VPS8: variants seen among roughly 807,000 people sequenced by gnomAD.
VPS8 encodes the protein VPS8 subunit of CORVET complex.
A neutral mutation model predicts 216.4 loss-of-function variants in VPS8; 129 were observed. That is an observed-to-expected ratio of 0.60 (90% CI 0.52 to 0.69). The LOEUF is 0.69. Among genes scored for constraint, VPS8 ranks in the 30% least tolerant of loss-of-function variants. The pLI is 0.00. For synonymous variants in VPS8, 571 were observed against 565.4 expected, an observed-to-expected ratio of 1.01 and a Z score of -0.14; for missense variants, 1,531 against 1,683.5, an observed-to-expected ratio of 0.91 and a Z score of 1.59.
At chr3:184,910,000 A>G (rs1178868011) in intron 25 of VPS8, among the ~76,000 whole-genome samples, 1 of 151,738 alleles carries the variant, frequency 6.6e-6, no homozygotes, top group African/African-American at 2.4e-5. Context: ...GTCTCTCCTC[A>G]GGTCATTTCT....
chr3:184,858,635 G>A (rs1725726916), intron 14 of VPS8, among the ~76,000 whole-genome samples: 1 of 152,218 alleles, frequency 6.6e-6, no homozygotes, highest in South Asian at 2.1e-4. Flanking sequence ...CATGGTTGTG[G>A]TGGAGGACTC....
At chr3:184,976,563 T>G (rs970769698) in intron 40 of VPS8, among the ~76,000 whole-genome samples, 1 of 152,094 alleles carries the variant, frequency 6.6e-6, no homozygotes, top group Non-Finnish European at 1.5e-5. Context: ...GAATAATCTG[T>G]CTCCCAGGTG....
intron 14 of VPS8, among the ~76,000 whole-genome samples, chr3:184,858,809 C>T (rs1339570253): frequency 6.6e-6 from 1 of 152,188 alleles, no homozygotes; most frequent in Non-Finnish European, 1.5e-5. Context: ...TTGCTCTTGC[C>T]TGGTCTGCAT....
At chr3:184,993,363 G>GTT (rs1273145198) in intron 42 of VPS8, among the ~76,000 whole-genome samples, 1 of 150,728 alleles carries the variant, frequency 6.6e-6, no homozygotes, top group African/African-American at 2.4e-5. Flanking sequence ...TGTTTTTTGG[G>GTT]TTTTTTTTTT....
intron 45 of VPS8, among the ~76,000 whole-genome samples, chr3:185,014,236 C>T (rs998741297): frequency 3.3e-5 from 5 of 152,150 alleles, no homozygotes; most frequent in Non-Finnish European, 7.3e-5. Flanking sequence ...TCTTGCTTTC[C>T]TCAGGTTTTC....
intron 5 of VPS8, among the ~76,000 whole-genome samples, chr3:184,838,302 G>C (rs1253242789): frequency 6.6e-6 from 1 of 152,128 alleles, no homozygotes; most frequent in Non-Finnish European, 1.5e-5. Context: ...TTGGTAGATA[G>C]GAAAGTCCTA....
At chr3:185,004,650 C>T (rs1337381116) in intron 45 of VPS8, among the ~76,000 whole-genome samples, 1 of 152,058 alleles carries the variant, frequency 6.6e-6, no homozygotes, top group Non-Finnish European at 1.5e-5. Flanking sequence ...TACATTTGGC[C>T]GTTTGTATGT....
At chr3:184,876,183 T>G (rs1263155174) in intron 21 of VPS8, among the ~76,000 whole-genome samples, 1 of 152,146 alleles carries the variant, frequency 6.6e-6, no homozygotes, top group Non-Finnish European at 1.5e-5. Context: ...GTTTTTTCCC[T>G]ACCTCTCTGA....
intron 24 of VPS8, among the ~76,000 whole-genome samples, chr3:184,900,644 C>G (rs528072097): frequency 1.3e-5 from 2 of 152,168 alleles, no homozygotes; most frequent in East Asian, 3.9e-4. Flanking sequence ...GTTTAAGAAC[C>G]AAAGGATACT....
intron 46 of VPS8, among the ~76,000 whole-genome samples, 176 bp from the exon 47 acceptor site, chr3:185,048,303 G>C (rs889647220): frequency 6.6e-6 from 1 of 152,202 alleles, no homozygotes; most frequent in African/African-American, 2.4e-5. Flanking sequence ...AGGGATCTTA[G>C]GGGACGTGCC....
intron 1 of VPS8, chr3:184,817,433 C>T (rs931249103): frequency 6.6e-6 from 1 of 152,126 alleles, no homozygotes; most frequent in African/African-American, 2.4e-5. Context: ...ATGAGGAAAT[C>T]ATTACAATGT....
chr3:184,820,976 C>T (rs1481812272), intron 1 of VPS8, among the ~76,000 whole-genome samples: 1 of 152,184 alleles, frequency 6.6e-6, no homozygotes, highest in East Asian at 1.9e-4. Flanking sequence ...TCCAGGATAT[C>T]GTTCTGATAT....
intron 24 of VPS8, among the ~76,000 whole-genome samples, chr3:184,900,310 C>T (rs1470469475): frequency 1.3e-5 from 2 of 152,260 alleles, no homozygotes; most frequent in Admixed American, 6.5e-5. Flanking sequence ...GCTGAGTAGC[C>T]AGAGGTAGAC....
At chr3:184,947,864 G>T (rs532927613) in intron 36 of VPS8, among the ~76,000 whole-genome samples, 7 of 152,210 alleles carry the variant, frequency 4.6e-5, no homozygotes, top group African/African-American at 1.7e-4. Flanking sequence ...ACTTTAGCTT[G>T]CAGGGCTTCA....
chr3:185,025,673 A>G (rs921476856), intron 46 of VPS8, among the ~76,000 whole-genome samples: 1 of 152,224 alleles, frequency 6.6e-6, no homozygotes, highest in Non-Finnish European at 1.5e-5. Context: ...TGTAACGCAA[A>G]GAGCTGGGGG....
intron 29 of VPS8, chr3:184,922,559 C>A: frequency 2.8e-6 from 1 of 361,394 alleles, no homozygotes; most frequent in Non-Finnish European, 5.5e-6. Context: ...GAGAAAGCTC[C>A]GTAAGTATTT....
chr3:184,825,526 A>G (rs1010345948), intron 2 of VPS8, among the ~76,000 whole-genome samples: 2 of 152,248 alleles, frequency 1.3e-5, no homozygotes, highest in Non-Finnish European at 1.5e-5. Flanking sequence ...ACTTATGTCT[A>G]AACTTAGAAA....
chr3:184,924,798 T>C, intron 29 of VPS8, 64 bp from the exon 30 acceptor site: 2 of 1,147,740 alleles, frequency 1.7e-6, no homozygotes, highest in Non-Finnish European at 2.3e-6. Context: ...CTTCTAATTG[T>C]ATTTTTTTTT....
intron 1 of VPS8, among the ~76,000 whole-genome samples, chr3:184,819,152 G>A (rs776662289): frequency 1.1e-4 from 16 of 151,674 alleles, no homozygotes; most frequent in Non-Finnish European, 1.9e-4. Context: ...TAATTGGTTG[G>A]GAATAACAAT....
Sources: gnomAD v4.1 joint callset for allele counts (sites outside exome capture counted in the v4.1 genomes callset) on GRCh38, gnomAD v4.1.1 for gene constraint, MANE v1.5 for transcripts, NCBI Gene and HGNC (gene_info 2026-07-23, HGNC 2026-07-21) for gene names.